Variants in PKIG observed in about 807,000 individuals in gnomAD.
PKIG encodes the protein cAMP-dependent protein kinase inhibitor gamma, also known as protein kinase (cAMP-dependent, catalytic) inhibitor gamma.
PKIG carries 1 observed loss-of-function variant against 6.8 expected under a neutral mutation model. The observed-to-expected ratio is 0.15, with a 90% confidence interval of 0.05 to 0.69. The LOEUF (loss-of-function observed/expected upper bound fraction) is 0.69. Ranked by LOEUF, PKIG falls within the 30% of genes least tolerant of loss-of-function variation. The pLI is 0.82. For missense variants in PKIG, 77 were observed against 104.0 expected, an observed-to-expected ratio of 0.74 and a Z score of 1.13; for synonymous variants, 39 against 43.0, an observed-to-expected ratio of 0.91 and a Z score of 0.36.
intron 1 of PKIG, among the ~76,000 whole-genome samples, chr20:44,548,903 C>T (rs11467058): frequency 0.023 from 1,888 of 81,250 alleles, 39 homozygotes; most frequent in African/African-American, 0.11. Flanking sequence ...CACACACACA[C>T]ATATATCTGT....
chr20:44,585,761 A>G (rs1274977239), intron 1 of PKIG, among the ~76,000 whole-genome samples: 1 of 152,226 alleles, frequency 6.6e-6, no homozygotes, highest in Non-Finnish European at 1.5e-5. Context: ...CCAGTTCATT[A>G]CCATTTGCGC....
chr20:44,585,917 T>C (rs978911552), intron 1 of PKIG, among the ~76,000 whole-genome samples: 3 of 152,132 alleles, frequency 2.0e-5, no homozygotes, highest in African/African-American at 4.8e-5. Flanking sequence ...AGGTAAGAGC[T>C]CTCGAGTTCA....
At chr20:44,554,184 T>G (rs1334935608) in intron 1 of PKIG, among the ~76,000 whole-genome samples, 3 of 152,108 alleles carry the variant, frequency 2.0e-5, no homozygotes, top group Non-Finnish European at 2.9e-5. Flanking sequence ...CTCAAGCAAT[T>G]CTCGTGCCTC....
At chr20:44,564,497 G>A (rs1330630148) in intron 1 of PKIG, among the ~76,000 whole-genome samples, 1 of 152,012 alleles carries the variant, frequency 6.6e-6, no homozygotes, top group East Asian at 1.9e-4. Flanking sequence ...GTCATGAAAG[G>A]ACACAGCTTC....
chr20:44,551,521 G>A (rs1215082797), intron 1 of PKIG, among the ~76,000 whole-genome samples: 1 of 152,146 alleles, frequency 6.6e-6, no homozygotes, highest in Non-Finnish European at 1.5e-5. Context: ...AGAGTAAAGG[G>A]ACAATTTTTG....
intron 1 of PKIG, among the ~76,000 whole-genome samples, chr20:44,541,932 AC>A (rs886202509): frequency 2.8e-4 from 42 of 150,820 alleles, no homozygotes; most frequent in Non-Finnish European, 5.0e-4. Context: ...CAAATGATCC[AC>A]CCCCCTCGGC....
intron 2 of PKIG, among the ~76,000 whole-genome samples, chr20:44,607,006 A>G (rs191624785): frequency 6.6e-6 from 1 of 152,298 alleles, no homozygotes; most frequent in East Asian, 1.9e-4. Context: ...AATTACTGAG[A>G]CTCAGATATT....
At chr20:44,587,598 G>T (rs533202550) in intron 1 of PKIG, among the ~76,000 whole-genome samples, 3 of 152,142 alleles carry the variant, frequency 2.0e-5, no homozygotes, top group Non-Finnish European at 4.4e-5. Context: ...AACATTTATT[G>T]TGGATTTTTT....
intron 2 of PKIG, among the ~76,000 whole-genome samples, chr20:44,601,591 G>A (rs1215886422): frequency 1.3e-5 from 2 of 152,214 alleles, no homozygotes; most frequent in African/African-American, 2.4e-5. Context: ...ATGAATGCCT[G>A]TTCAGTAGGC....
chr20:44,547,654 G>A (rs1600841803), intron 1 of PKIG, among the ~76,000 whole-genome samples: 1 of 152,178 alleles, frequency 6.6e-6, no homozygotes, highest in East Asian at 1.9e-4. Flanking sequence ...GGGAGCTGTG[G>A]CACTTACTAA....
At position 44,618,415 on chromosome 20, in the gene PKIG, G is replaced by C; in HGVS notation, c.*51G>C. 1 of 1,265,292 alleles carries C rather than the reference G, an allele frequency of 7.9e-7. No homozygotes were observed. Among genetic ancestry groups the C allele is most frequent in the South Asian group, 1.2e-5 (1 of 84,238 alleles). The allele number at this position is 1,265,292 out of a possible 1,614,324, so 78.4% of individuals were successfully genotyped here. On this transcript the variant is annotated 3_prime_UTR_variant, in exon 4 of 4. Transcript: ENST00000372886. ...ACGAGAGACCTTCTGTCCCCTCCCA[G>C]AGGGGGAACCCTGGCACTGGCCCAG...
intron 1 of PKIG, among the ~76,000 whole-genome samples, chr20:44,542,713 C>A (rs980599128): frequency 6.6e-6 from 1 of 152,146 alleles, no homozygotes; most frequent in Non-Finnish European, 1.5e-5. Flanking sequence ...CTGCCTCAGC[C>A]TCCCCAGTAT....
intron 2 of PKIG, among the ~76,000 whole-genome samples, chr20:44,612,623 G>A (rs542519661): frequency 6.6e-6 from 1 of 152,242 alleles, no homozygotes; most frequent in African/African-American, 2.4e-5. Flanking sequence ...GTACATAAAT[G>A]GACAATCTTG....
intron 1 of PKIG, among the ~76,000 whole-genome samples, chr20:44,539,768 AT>A (rs925003835): frequency 1.3e-5 from 2 of 151,768 alleles, no homozygotes; most frequent in East Asian, 1.9e-4. Context: ...TGTGTGTGTG[AT>A]TTTTTTTCTT....
intron 1 of PKIG, chr20:44,585,257 C>G (rs2064980602): frequency 6.6e-6 from 1 of 152,348 alleles, no homozygotes; most frequent in African/African-American, 2.4e-5. Flanking sequence ...TTTTGTGTGT[C>G]AAAGTTGCTC....
chr20:44,587,228 CA>C (rs1358621319), intron 1 of PKIG, among the ~76,000 whole-genome samples: 6 of 152,336 alleles, frequency 3.9e-5, no homozygotes, highest in Admixed American at 3.9e-4. Flanking sequence ...AAAAGTACTG[CA>C]AAAGAAATAT....
chr20:44,584,722 C>CT (rs3092041), intron 1 of PKIG, among the ~76,000 whole-genome samples: 4,617 of 140,242 alleles, frequency 0.033, 89 homozygotes, highest in African/African-American at 0.049. Flanking sequence ...CTTGGCACTT[C>CT]TTTTTTTTTT....
At chr20:44,569,990 A>G (rs1430278623) in intron 1 of PKIG, among the ~76,000 whole-genome samples, 3 of 152,148 alleles carry the variant, frequency 2.0e-5, no homozygotes, top group Non-Finnish European at 4.4e-5. Flanking sequence ...TTAGCCAGGA[A>G]TGGTGGTGCA....
At chr20:44,615,460 C>G (rs1326065769) in intron 3 of PKIG, among the ~76,000 whole-genome samples, 1 of 152,192 alleles carries the variant, frequency 6.6e-6, no homozygotes, top group African/African-American at 2.4e-5. Context: ...AACCACAGAC[C>G]GAATGACAAA....
Sources: allele counts gnomAD v4.1 joint callset (sites outside exome capture counted in the v4.1 genomes callset), GRCh38; gene constraint gnomAD v4.1.1; transcripts MANE v1.5; gene names NCBI Gene and HGNC (gene_info 2026-07-23, HGNC 2026-07-21).